The following CACNA2D3 variants were observed in gnomAD, a reference collection of about 807,000 sequenced individuals.
CACNA2D3 encodes the protein voltage-dependent calcium channel subunit alpha-2/delta-3.
In CACNA2D3, 60 loss-of-function variants were observed where a neutral mutation model predicts 160.6. The observed-to-expected ratio is 0.37, with a 90% CI of 0.30 to 0.46. The LOEUF (loss-of-function observed/expected upper bound fraction) is 0.46, where lower values mean the gene tolerates loss of function less well. CACNA2D3 is among the 20% of genes least tolerant of loss of function. The probability of loss-of-function intolerance (pLI) is 1.00; values close to 1 mark genes in which losing one functional copy is unlikely to be tolerated. For synonymous variants in CACNA2D3, 558 were observed against 492.9 expected (o/e 1.13, Z -1.75); for missense variants, 1,205 against 1,365.0 (o/e 0.88, Z 1.85).
chr3:54,537,058 T>G (rs1306336826), intron 5 of CACNA2D3, among the ~76,000 whole-genome samples: 1 of 151,988 alleles, frequency 6.6e-6, no homozygotes, highest in Non-Finnish European at 1.5e-5. Flanking sequence ...CAGCTAAGTA[T>G]TGTTATCCTC....
intron 11 of CACNA2D3, among the ~76,000 whole-genome samples, chr3:54,681,264 C>T (rs748280875): frequency 4.5e-4 from 68 of 151,098 alleles, no homozygotes; most frequent in African/African-American, 1.4e-3. Flanking sequence ...AGACCAGGCA[C>T]GGTGGCTCAC....
intron 2 of CACNA2D3, among the ~76,000 whole-genome samples, chr3:54,239,583 A>C (rs1298195181): frequency 6.6e-6 from 1 of 152,232 alleles, no homozygotes; most frequent in Non-Finnish European, 1.5e-5. Context: ...AGAAGAAGGG[A>C]GATCATTGTG....
intron 2 of CACNA2D3, among the ~76,000 whole-genome samples, chr3:54,297,062 G>T (rs552576625): frequency 6.6e-6 from 1 of 152,264 alleles, no homozygotes; most frequent in African/African-American, 2.4e-5. Context: ...ACTTTACCTT[G>T]AAATGACCTT....
rs547713276 is a variant in CACNA2D3, at chr3:54,975,652, G to A, written c.2556+5808G>A. Among the ~76,000 whole-genome samples the A allele has an allele frequency of 2.0e-5, 3 of 152,072 alleles. No individual in the cohort carries two copies. The South Asian group carries it at 6.2e-4, about 32-fold the overall frequency. The stretch of plus-strand genomic sequence containing the variant: ...TCTTCCCATCATTGTTTGCTAGGAT[G>A]TAGAGCAATCTTACCAAAATGAGTG... On this transcript the variant is annotated intron_variant, in intron 29 of 37. Transcript: ENST00000474759.
chr3:54,728,588 C>G (rs888244748), intron 11 of CACNA2D3, among the ~76,000 whole-genome samples: 2 of 152,046 alleles, frequency 1.3e-5, no homozygotes, highest in Admixed American at 1.3e-4. Context: ...CTTGGCATGC[C>G]CAACAATTCT....
chr3:54,405,725 A>G (rs1179314831), intron 4 of CACNA2D3, among the ~76,000 whole-genome samples: 4 of 152,156 alleles, frequency 2.6e-5, no homozygotes, highest in African/African-American at 4.8e-5. Flanking sequence ...ATGGGACTAC[A>G]TCAAACTAAA....
chr3:54,544,035 T>C (rs1702023463), intron 5 of CACNA2D3, among the ~76,000 whole-genome samples: 1 of 152,196 alleles, frequency 6.6e-6, no homozygotes, highest in Non-Finnish European at 1.5e-5. Flanking sequence ...AGCCTTGTTT[T>C]TCTTTGTCCT....
chr3:54,446,499 C>T (rs756530214), intron 4 of CACNA2D3, among the ~76,000 whole-genome samples: 3 of 152,198 alleles, frequency 2.0e-5, no homozygotes, highest in Non-Finnish European at 2.9e-5. Flanking sequence ...TCTTTAAAAA[C>T]TTTCAGAAAA....
chr3:54,820,782 C>A (rs552481305), intron 14 of CACNA2D3, among the ~76,000 whole-genome samples: 1 of 152,144 alleles, frequency 6.6e-6, no homozygotes, highest in South Asian at 2.1e-4. Flanking sequence ...ACAGAAGTGT[C>A]CGAGAGATCT....
chr3:54,705,463 G>A (rs561250014), intron 11 of CACNA2D3, among the ~76,000 whole-genome samples: 1 of 152,294 alleles, frequency 6.6e-6, no homozygotes, highest in Admixed American at 6.5e-5. Flanking sequence ...GCTGCAATTG[G>A]TTCTCACAGG....
rs898467351 is a variant in CACNA2D3 at position 54,386,055 on chromosome 3, G to T, written c.322-660G>T. The T allele has an allele frequency of 6.7e-6, 3 of 445,206 alleles. No homozygotes were observed. The East Asian group carries it at 1.7e-4, about 26-fold the overall frequency. 27.6% of individuals were successfully genotyped at this position (445,206 alleles called of 1,614,324 possible). On this transcript the variant is annotated intron_variant, in intron 3 of 37. Transcript: ENST00000474759. ...ATCTAAATGAAGGCATTATGAAATG[G>T]GTTTCATAAGAATATTAATGTGTTG...
At chr3:54,972,369 A>G (rs1702293969) in intron 29 of CACNA2D3, among the ~76,000 whole-genome samples, 1 of 152,188 alleles carries the variant, frequency 6.6e-6, no homozygotes, top group South Asian at 2.1e-4. Flanking sequence ...ACTGTTTTAA[A>G]TAGAAAAGTC....
chr3:54,326,810 T>C (rs1704130064), intron 3 of CACNA2D3, among the ~76,000 whole-genome samples: 1 of 152,216 alleles, frequency 6.6e-6, no homozygotes, highest in South Asian at 2.1e-4. Flanking sequence ...TGATCTCATC[T>C]CAGAATTTCA....
chr3:54,353,687 A>G (rs1317352308), intron 3 of CACNA2D3, among the ~76,000 whole-genome samples: 1 of 152,176 alleles, frequency 6.6e-6, no homozygotes, highest in African/African-American at 2.4e-5. Flanking sequence ...TTGTGGAAGC[A>G]TTCCCTTGTC....
intron 31 of CACNA2D3, among the ~76,000 whole-genome samples, chr3:54,994,133 T>G (rs1162351606): frequency 6.6e-6 from 1 of 152,062 alleles, no homozygotes. Context: ...TAAATCACCT[T>G]TCTAAAAGGT....
chr3:54,533,242 G>A (rs925035824), intron 5 of CACNA2D3, among the ~76,000 whole-genome samples: 5 of 151,990 alleles, frequency 3.3e-5, no homozygotes, highest in East Asian at 1.9e-4. Context: ...GATGCAGTCC[G>A]TGGTTTACTT....
intron 27 of CACNA2D3, among the ~76,000 whole-genome samples, chr3:54,946,205 A>G (rs1404250168): frequency 3.3e-5 from 5 of 152,110 alleles, no homozygotes; most frequent in Non-Finnish European, 7.3e-5. Flanking sequence ...TTGCCTGTTA[A>G]TGCTTACCTC....
At chr3:54,741,398 C>T (rs1274991633) in intron 11 of CACNA2D3, among the ~76,000 whole-genome samples, 1 of 152,158 alleles carries the variant, frequency 6.6e-6, no homozygotes, top group Non-Finnish European at 1.5e-5. Flanking sequence ...ATCCATTTCA[C>T]AACATCATTC....
intron 11 of CACNA2D3, among the ~76,000 whole-genome samples, chr3:54,685,657 C>T (rs9830638): frequency 0.063 from 9,643 of 152,276 alleles, 969 homozygotes; most frequent in African/African-American, 0.22. Context: ...TAATATACCA[C>T]CTATAATGTG....
Sources: gnomAD v4.1 joint callset for allele counts (sites outside exome capture counted in the v4.1 genomes callset) on GRCh38, gnomAD v4.1.1 for gene constraint, MANE v1.5 for transcripts, NCBI Gene and HGNC (gene_info 2026-07-23, HGNC 2026-07-21) for gene names.